The following IKBKB variants were observed in gnomAD, a reference collection of about 807,000 sequenced individuals.
The protein encoded by IKBKB is inhibitor of nuclear factor kappa-B kinase subunit beta.
IKBKB carries 42 observed loss-of-function variants against 113.6 expected under a neutral mutation model. The ratio of observed to expected loss-of-function variants is 0.37; its 90% CI spans 0.29 to 0.48. The LOEUF (loss-of-function observed/expected upper bound fraction) is 0.48, where lower values mean the gene tolerates loss of function less well. IKBKB is among the 20% of genes least tolerant of loss of function. The pLI, the probability that IKBKB is intolerant of heterozygous loss-of-function variation, is 0.99. For missense variants in IKBKB, 673 were observed against 939.7 expected (o/e 0.72, Z 3.71); for synonymous variants, 296 against 361.3 (o/e 0.82, Z 2.05).
In IKBKB at chr8:42,305,191, T is replaced by C. The variant is rs200308355; in HGVS notation, c.393T>C (p.Ser131=). Residue 131 remains serine, a synonymous_variant, in exon 6 of 22, where the codon TCT becomes TCC. Transcript: ENST00000520810. ...ACTCACCCCCCTCTTCCTCAGCCTC[T>C]GCGCTTAGATACCTTCATGAAAACA... ...AILTLLSDIA[S]ALRYLHENRI... is the part of the protein sequence containing the mutation. 9.9e-6 allele frequency: 16 copies of C among 1,613,026 alleles called. No individual in the cohort carries two copies. Among genetic ancestry groups the C allele is most frequent in the Non-Finnish European group, 1.4e-5 (16 of 1,179,108 alleles).
intron 14 of IKBKB, 75 bp downstream of exon 14, chr8:42,319,496 C>A: frequency 4.4e-6 from 7 of 1,596,546 alleles, no homozygotes; most frequent in Non-Finnish European, 6.0e-6. Flanking sequence ...TTCTTTTGTC[C>A]TATTATAATT....
chr8:42,326,220 G>C, intron 20 of IKBKB, 123 bp downstream of exon 20: 1 of 1,215,708 alleles, frequency 8.2e-7, no homozygotes, highest in Non-Finnish European at 1.1e-6. Flanking sequence ...GATGTTTGTT[G>C]CATCTGCTGG....
In IKBKB at chr8:42,296,603, C is replaced by T. The variant is rs191509131; in HGVS notation, c.388+3091C>T. ...GGCAGAGGTTGCAGTGAGCCAAGAT[C>T]GCACCATTGCACTCCAGCCTGGGCA... On this transcript the variant is annotated intron_variant, in intron 5 of 21. Coordinates refer to ENST00000520810, the MANE Select transcript of IKBKB (RefSeq NM_001556.3). 3.6e-3 allele frequency among the ~76,000 whole-genome samples: 547 copies of T among 151,270 alleles called. 5 individuals are homozygous for T. Among genetic ancestry groups the T allele is most frequent in the African/African-American group, 0.012 (510 of 41,108 alleles).
chr8:42,313,549 G>T (rs890520997), intron 8 of IKBKB, among the ~76,000 whole-genome samples: 1 of 152,168 alleles, frequency 6.6e-6, no homozygotes, highest in African/African-American at 2.4e-5. Context: ...CATTTAGAGG[G>T]AAGTATCTAT....
intron 2 of IKBKB, chr8:42,272,454 T>C (rs1480943017): frequency 1.7e-6 from 1 of 593,926 alleles, no homozygotes; most frequent in Non-Finnish European, 3.0e-6. Context: ...CTCTATTATA[T>C]ATATATGGTA....
chr8:42,291,739 A>G (rs542565723), intron 4 of IKBKB, among the ~76,000 whole-genome samples: 12 of 152,276 alleles, frequency 7.9e-5, no homozygotes, highest in African/African-American at 2.2e-4. Context: ...CAGCCTGGGC[A>G]ACATACCAAG....
At chr8:42,308,272 T>C (rs1816933837) in intron 7 of IKBKB, among the ~76,000 whole-genome samples, 2 of 56,866 alleles carry the variant, frequency 3.5e-5, no homozygotes, top group Admixed American at 6.0e-4. Context: ...GCAACCCTTT[T>C]TTTTTTTTTC....
intron 5 of IKBKB, among the ~76,000 whole-genome samples, chr8:42,297,852 G>A (rs6995284): frequency 0.21 from 32,244 of 151,884 alleles, 7,953 homozygotes; most frequent in African/African-American, 0.6. Context: ...CCGAGATCGC[G>A]CCATTGCACT....
intron 4 of IKBKB, among the ~76,000 whole-genome samples, chr8:42,291,835 G>T (rs1254910169): frequency 2.6e-5 from 4 of 152,162 alleles, no homozygotes; most frequent in Non-Finnish European, 1.5e-5. Context: ...TGGAGGCTGG[G>T]GTGGGAGGAT....
intron 11 of IKBKB, chr8:42,317,339 A>G (rs546515467): frequency 4.5e-6 from 2 of 439,608 alleles, no homozygotes; most frequent in Non-Finnish European, 8.4e-6. Flanking sequence ...CTCTGCTCAA[A>G]AAGACCTTCT....
At chr8:42,282,181 T>G (rs1810498088) in intron 2 of IKBKB, among the ~76,000 whole-genome samples, 1 of 152,030 alleles carries the variant, frequency 6.6e-6, no homozygotes, top group Non-Finnish European at 1.5e-5. Context: ...TTTTTGTTGT[T>G]TTGTGTGTGT....
intron 19 of IKBKB, chr8:42,325,524 C>G (rs1006079065): frequency 1.6e-6 from 1 of 644,128 alleles, no homozygotes; most frequent in Admixed American, 6.1e-5. Context: ...ACTAAAAATA[C>G]AAAAATTAGC....
intron 8 of IKBKB, 35 bp from the exon 9 acceptor site, chr8:42,314,287 C>A (rs766915684): frequency 2.1e-6 from 3 of 1,416,248 alleles, no homozygotes; most frequent in South Asian, 1.1e-5. Context: ...GTCATAGCAA[C>A]GTGTGACTGC....
In IKBKB at chr8:42,293,483, G is replaced by A. The variant is rs758302357; in HGVS notation, c.359G>A (p.Gly120Asp). The change falls in exon 5 of 22, where the codon GGT becomes GAT. Residue 120 changes from glycine to aspartate, a missense_variant. Physicochemically the swap from Gly to Asp is moderately conservative, Grantham distance 94. Transcript: ENST00000520810. Reference sequence around the variant, plus strand: ...GAGAACTGCTGTGGTCTGCGGGAAGGTGCCATCCTCACCTTGCTGAGTGAC... The same window carrying A: ...GAGAACTGCTGTGGTCTGCGGGAAGATGCCATCCTCACCTTGCTGAGTGAC... ...QFENCCGLREGAILTLLSDIA... is the reference protein window; with the variant it reads ...QFENCCGLREDAILTLLSDIA... 1.2e-6 allele frequency: 2 copies of A among 1,614,170 alleles called. No individual in the cohort carries two copies. The highest frequency in any genetic ancestry group is 2.2e-5 in the East Asian group (1 of 44,882).
intron 2 of IKBKB, among the ~76,000 whole-genome samples, chr8:42,288,037 G>A (rs965335518): frequency 9.9e-5 from 15 of 152,224 alleles, no homozygotes; most frequent in East Asian, 3.9e-4. Context: ...GTTTCATGGC[G>A]GAGCTGGGAA....
chr8:42,318,262 C>CAA (rs1234811746), intron 12 of IKBKB, among the ~76,000 whole-genome samples: 12 of 120,494 alleles, frequency 1.0e-4, no homozygotes, highest in Admixed American at 8.4e-5. Context: ...GACCTTGTCT[C>CAA]AAAAAAAAAA....
intron 20 of IKBKB, among the ~76,000 whole-genome samples, chr8:42,327,328 C>T (rs1428408175): frequency 3.2e-5 from 3 of 94,104 alleles, no homozygotes; most frequent in Non-Finnish European, 7.5e-5. Context: ...CTCTCTCTCT[C>T]TCTTTTTTTT....
intron 2 of IKBKB, among the ~76,000 whole-genome samples, chr8:42,280,061 T>C (rs1243169990): frequency 6.6e-6 from 1 of 152,204 alleles, no homozygotes; most frequent in Non-Finnish European, 1.5e-5. Flanking sequence ...TTGCCCAGGC[T>C]GGTCTGGAAC....
chr8:42,326,391 T>G, intron 20 of IKBKB: 1 of 330,486 alleles, frequency 3.0e-6, no homozygotes, highest in Non-Finnish European at 5.7e-6. Context: ...GGAAGCCACA[T>G]TCCCTTCAGG....
Sources: gnomAD v4.1 joint callset for allele counts (sites outside exome capture counted in the v4.1 genomes callset) on GRCh38, gnomAD v4.1.1 for gene constraint, MANE v1.5 for transcripts, NCBI Gene and HGNC (gene_info 2026-07-23, HGNC 2026-07-21) for gene names.